The following DIPK1A variants were observed in gnomAD, a reference collection of about 807,000 sequenced individuals.
DIPK1A encodes family with sequence similarity 69 member A.
In DIPK1A, 27 loss-of-function variants were observed where a neutral mutation model predicts 40.8. That is an observed-to-expected ratio of 0.66 (90% CI 0.49 to 0.91). The LOEUF (loss-of-function observed/expected upper bound fraction) is 0.91. DIPK1A is among the 40% of genes least tolerant of loss of function. The probability of loss-of-function intolerance (pLI) is 0.00; values close to 1 mark genes in which losing one functional copy is unlikely to be tolerated. For missense variants in DIPK1A, 412 were observed against 505.7 expected (o/e 0.81, Z 1.78); for synonymous variants, 166 against 171.3 (o/e 0.97, Z 0.24).
Position 92,848,383 on chromosome 1 carries a change from C to T in DIPK1A, c.298-1024G>A, listed in dbSNP as rs142248419. On this transcript the variant is annotated intron_variant, in intron 3 of 4. Coordinates refer to ENST00000370310, the MANE Select transcript of DIPK1A (RefSeq NM_001006605.5). ...ATGTCTCCAACCTGATCTTGTACCA[C>T]GTACTCCGTTTCTCAAAGTCCCAGC... 1.2e-3 allele frequency among the ~76,000 whole-genome samples: 181 copies of T among 152,310 alleles called. 2 individuals carry two copies. In the East Asian group the frequency reaches 0.021, roughly 17 times the overall value.
At chr1:92,925,724 G>A (rs1650477406) in intron 1 of DIPK1A, among the ~76,000 whole-genome samples, 1 of 152,002 alleles carries the variant, frequency 6.6e-6, no homozygotes, top group South Asian at 2.1e-4. Context: ...TTGAACTTCG[G>A]ACCTTGTGAT....
In DIPK1A at chr1:92,877,809, G is replaced by C. The variant is rs547423953; in HGVS notation, c.55-1379C>G. 7.2e-5 allele frequency among the ~76,000 whole-genome samples: 11 copies of C among 152,310 alleles called. No homozygotes were observed. In the South Asian group the frequency reaches 2.3e-3, roughly 32 times the overall value. ...GGTTTGTTTGAAAGATATTTAAGAT[G>C]ACTCGTCTCTAATAAGAGGTTTGGT... is the stretch of plus-strand genomic sequence containing the variant. On this transcript the variant is annotated intron_variant, in intron 1 of 4. Transcript: ENST00000370310.
Position 92,850,848 on chromosome 1 carries a change from C to T in DIPK1A, c.297G>A (p.Gln99=). The T allele has an allele frequency of 6.5e-7, 1 of 1,543,818 alleles. No homozygotes were observed. The highest frequency in any genetic ancestry group is 8.8e-7 in the Non-Finnish European group (1 of 1,137,504). ...GKCLSTKPNN[Q]MYLGIWDNLP... ...GAATGTTTATTCATAATGGCCATAC[C>T]TGATTGTTGGGCTTGGTGGATAAAC... Residue 99 remains glutamine (Q), a splice_region_variant and synonymous_variant, in exon 3 of 5, where the codon CAG becomes CAA. Transcript: ENST00000370310.
intron 1 of DIPK1A, among the ~76,000 whole-genome samples, chr1:92,893,659 C>A (rs879341523): frequency 2.7e-5 from 4 of 150,886 alleles, no homozygotes; most frequent in Non-Finnish European, 5.9e-5. Context: ...ACAATATTAA[C>A]CTTAAATGTA....
intron 2 of DIPK1A, among the ~76,000 whole-genome samples, chr1:92,873,371 T>C (rs1647968418): frequency 6.6e-6 from 1 of 152,186 alleles, no homozygotes; most frequent in South Asian, 2.1e-4. Flanking sequence ...TCCCAGCACT[T>C]TGGGAGGCCG....
chr1:92,898,657 G>A (rs188519128), intron 1 of DIPK1A, among the ~76,000 whole-genome samples: 46 of 152,094 alleles, frequency 3.0e-4, no homozygotes, highest in Middle Eastern at 3.4e-3. Flanking sequence ...ATTTGTTTAC[G>A]GTTTTTGTAG....
intron 1 of DIPK1A, among the ~76,000 whole-genome samples, chr1:92,937,800 A>T (rs1651002442): frequency 6.6e-6 from 1 of 151,194 alleles, no homozygotes; most frequent in Non-Finnish European, 1.5e-5. Flanking sequence ...GTTATACTTT[A>T]ATGAAAAGTT....
At chr1:92,833,179 T>G (rs899915121) in intron 4 of DIPK1A, 9 of 649,490 alleles carry the variant, frequency 1.4e-5, no homozygotes, top group Admixed American at 1.3e-4. Flanking sequence ...GGATTCATTT[T>G]TATTGTTTTA....
intron 2 of DIPK1A, among the ~76,000 whole-genome samples, chr1:92,864,289 G>A (rs1374049133): frequency 1.3e-5 from 2 of 152,152 alleles, no homozygotes; most frequent in African/African-American, 4.8e-5. Context: ...TCTTATGTTA[G>A]TTGCTTTAAG....
chr1:92,873,937 T>C (rs1345499801), intron 2 of DIPK1A, among the ~76,000 whole-genome samples: 1 of 152,156 alleles, frequency 6.6e-6, no homozygotes, highest in African/African-American at 2.4e-5. Context: ...ACAATTGTGA[T>C]ACAATATTAG....
At chr1:92,837,921 C>A (rs143761019), downstream of DIPK1A, 2 of 417,858 alleles carry the variant, frequency 4.8e-6, no homozygotes, top group East Asian at 1.0e-4. Flanking sequence ...TAATAAACTT[C>A]ACTTATTTTG....
Position 92,881,326 on chromosome 1 carries a change from C to CAA in DIPK1A, c.55-4898_55-4897dup, listed in dbSNP as rs3042466. Among the ~76,000 whole-genome samples the CAA allele has an allele frequency of 2.8e-3, 319 of 112,694 alleles. 3 individuals are homozygous for CAA. The highest frequency in any genetic ancestry group is 8.5e-3 in the Middle Eastern group (2 of 236). The allele number at this position is 112,694 out of a possible 152,430, so 73.9% of individuals were successfully genotyped here. ...AATTTTGAGAATGGGGACTCTGTCTCAAAAAAAAAAAAAAAAAAAAAGGCA... is the reference window on the plus strand; with the variant it reads ...AATTTTGAGAATGGGGACTCTGTCTCAAAAAAAAAAAAAAAAAAAAAAAGGCA... On this transcript the variant is annotated intron_variant, in intron 1 of 4. Coordinates refer to ENST00000370310, the MANE Select transcript of DIPK1A (RefSeq NM_001006605.5).
intron 1 of DIPK1A, among the ~76,000 whole-genome samples, chr1:92,893,264 T>C (rs1648983146): frequency 6.6e-6 from 1 of 150,974 alleles, no homozygotes; most frequent in Non-Finnish European, 1.5e-5. Context: ...AAGGTCAGGT[T>C]ACCCACAAAG....
chr1:92,904,340 G>T (rs993729719), intron 1 of DIPK1A, among the ~76,000 whole-genome samples: 4 of 152,050 alleles, frequency 2.6e-5, no homozygotes, highest in Non-Finnish European at 5.9e-5. Context: ...TTGCCATATG[G>T]GAAAATGCTG....
chr1:92,865,708 T>A (rs747207182), intron 2 of DIPK1A, among the ~76,000 whole-genome samples: 1 of 152,332 alleles, frequency 6.6e-6, no homozygotes, highest in African/African-American at 2.4e-5. Flanking sequence ...TGCAAACTAA[T>A]GTACAGTGTG....
intron 1 of DIPK1A, among the ~76,000 whole-genome samples, chr1:92,918,878 G>A (rs1024846225): frequency 2.6e-5 from 4 of 152,152 alleles, no homozygotes; most frequent in Non-Finnish European, 4.4e-5. Context: ...TAGATCCCTC[G>A]CATGTGCAGT....
chr1:92,854,584 C>T (rs1687924198), intron 2 of DIPK1A, among the ~76,000 whole-genome samples: 1 of 152,210 alleles, frequency 6.6e-6, no homozygotes, highest in South Asian at 2.1e-4. Flanking sequence ...GGCACTGTTG[C>T]CCTTCAGCTA....
intron 4 of DIPK1A, chr1:92,834,717 A>AT: frequency 6.2e-7 from 1 of 1,600,794 alleles, no homozygotes; most frequent in East Asian, 2.2e-5. Context: ...TTGAAAAATA[A>AT]TTAAGATGTA....
chr1:92,905,817 G>A (rs1649598600), intron 1 of DIPK1A, among the ~76,000 whole-genome samples: 1 of 152,062 alleles, frequency 6.6e-6, no homozygotes, highest in Non-Finnish European at 1.5e-5. Context: ...AGAGATAGGG[G>A]TCTAGTTTAA....
Sources: gnomAD v4.1 joint callset for allele counts (sites outside exome capture counted in the v4.1 genomes callset) on GRCh38, gnomAD v4.1.1 for gene constraint, MANE v1.5 for transcripts, NCBI Gene and HGNC (gene_info 2026-07-23, HGNC 2026-07-21) for gene names.